RAP1GDS1: variants seen among roughly 807,000 people sequenced by gnomAD.
The protein encoded by RAP1GDS1 is RAP1, GTP-GDP dissociation stimulator 1.
A neutral mutation model predicts 71.1 loss-of-function variants in RAP1GDS1; 35 were observed. The observed-to-expected ratio is 0.49, with a 90% CI of 0.38 to 0.65. RAP1GDS1 has a LOEUF of 0.65. Among genes scored for constraint, RAP1GDS1 ranks in the 30% least tolerant of loss-of-function variants. RAP1GDS1 has a pLI of 0.00. For synonymous variants in RAP1GDS1, 229 were observed against 243.1 expected, an observed-to-expected ratio of 0.94 and a Z score of 0.54; for missense variants, 663 against 706.1, an observed-to-expected ratio of 0.94 and a Z score of 0.69.
At chr4:98,345,202 T>G (rs1736047062) in intron 3 of RAP1GDS1, among the ~76,000 whole-genome samples, 1 of 152,180 alleles carries the variant, frequency 6.6e-6, no homozygotes, top group Admixed American at 6.5e-5. Context: ...GTACACTGAT[T>G]GGGCATATAT....
In RAP1GDS1 at chr4:98,301,744, A is replaced by G. The variant is rs577547425; in HGVS notation, c.112+8229A>G. Among the ~76,000 whole-genome samples, 253 of 152,292 alleles carry G rather than the reference A, an allele frequency of 1.7e-3. 1 individual carries two copies. Among genetic ancestry groups the G allele is most frequent in the African/African-American group, 5.7e-3 (238 of 41,562 alleles). ...GGAAAATAGTGCGATCTGGTCTTAG[A>G]TTAGATTCTAACATTGGCTACTTAA... On this transcript the variant is annotated intron_variant, in intron 2 of 14. Coordinates refer to ENST00000408927, the MANE Select transcript of RAP1GDS1 (RefSeq NM_001100427.2).
At chr4:98,372,816 C>T (rs1390217693) in intron 4 of RAP1GDS1, among the ~76,000 whole-genome samples, 1 of 152,086 alleles carries the variant, frequency 6.6e-6, no homozygotes, top group East Asian at 1.9e-4. Flanking sequence ...TCCTGAGTAG[C>T]TAGGACTACA....
At chr4:98,310,579 A>G (rs552874009) in intron 2 of RAP1GDS1, among the ~76,000 whole-genome samples, 2 of 152,328 alleles carry the variant, frequency 1.3e-5, no homozygotes, top group African/African-American at 2.4e-5. Flanking sequence ...GTTTTAGAAG[A>G]CACCAGAAGT....
At chr4:98,313,366 G>A (rs1487491025) in intron 2 of RAP1GDS1, among the ~76,000 whole-genome samples, 1 of 152,158 alleles carries the variant, frequency 6.6e-6, no homozygotes, top group Non-Finnish European at 1.5e-5. Context: ...TTCACAGACA[G>A]AGACATCCAA....
chr4:98,306,975 T>C (rs974367700), intron 2 of RAP1GDS1, among the ~76,000 whole-genome samples: 51 of 152,308 alleles, frequency 3.3e-4, no homozygotes, highest in African/African-American at 1.2e-3. Context: ...GAATCTATAA[T>C]GAGACATTTT....
At chr4:98,334,793 T>C (rs1734469424) in intron 2 of RAP1GDS1, among the ~76,000 whole-genome samples, 1 of 152,048 alleles carries the variant, frequency 6.6e-6, no homozygotes, top group East Asian at 1.9e-4. Context: ...CGAGCTGTTA[T>C]ACTTTGTAAA....
chr4:98,346,112 C>T (rs983259827), intron 3 of RAP1GDS1, among the ~76,000 whole-genome samples: 1 of 152,272 alleles, frequency 6.6e-6, no homozygotes, highest in Middle Eastern at 3.4e-3. Flanking sequence ...TTAACAAGTC[C>T]TCTAGGTAAT....
chr4:98,350,701 G>A (rs1010583611), intron 3 of RAP1GDS1, among the ~76,000 whole-genome samples: 3 of 152,160 alleles, frequency 2.0e-5, no homozygotes, highest in Admixed American at 2.0e-4. Context: ...AGCTGGCTGT[G>A]GTGGCACTTG....
At chr4:98,437,227 C>G (rs1258506727) in intron 14 of RAP1GDS1, among the ~76,000 whole-genome samples, 159 bp downstream of exon 14, 1 of 152,164 alleles carries the variant, frequency 6.6e-6, no homozygotes, top group East Asian at 1.9e-4. Flanking sequence ...TGTAAACACT[C>G]ATTTCTTCAT....
At chr4:98,292,184 TG>T (rs1179859921) in intron 1 of RAP1GDS1, among the ~76,000 whole-genome samples, 2 of 151,844 alleles carry the variant, frequency 1.3e-5, no homozygotes, top group African/African-American at 4.8e-5. Flanking sequence ...TAGAGTGCAG[TG>T]GAGCAATCCT....
intron 1 of RAP1GDS1, among the ~76,000 whole-genome samples, chr4:98,279,178 C>T (rs192033949): frequency 0.066 from 10,016 of 151,908 alleles, 361 homozygotes; most frequent in Admixed American, 0.13. Flanking sequence ...GAGCCGAGAT[C>T]GCACCACTGC....
chr4:98,391,864 G>T, intron 5 of RAP1GDS1, 88 bp from the exon 6 acceptor site: 1 of 1,244,774 alleles, frequency 8.0e-7, no homozygotes, highest in Non-Finnish European at 1.1e-6. Context: ...TTTCCAATAG[G>T]GAAAATAAGA....
At chr4:98,345,316 T>C (rs963757965) in intron 3 of RAP1GDS1, among the ~76,000 whole-genome samples, 2 of 152,204 alleles carry the variant, frequency 1.3e-5, no homozygotes, top group African/African-American at 4.8e-5. Flanking sequence ...AGGAGAAATA[T>C]TAGCATATAC....
chr4:98,319,805 A>C lies in RAP1GDS1; in HGVS notation c.113-23334A>C, dbSNP rs568672269. On this transcript the variant is annotated intron_variant, in intron 2 of 14. Transcript: ENST00000408927. ...AAAAAAAAAAAAAAAAAAAAGAGAG[A>C]AATTGGCGTTTGAACTACACAGGTC... Among the ~76,000 whole-genome samples, 161 of 151,080 alleles carry C rather than the reference A, an allele frequency of 1.1e-3. No individual in the cohort carries two copies. The South Asian group carries it at 0.017, about 16-fold the overall frequency.
chr4:98,402,159 CCT>C (rs1158347750), intron 6 of RAP1GDS1, among the ~76,000 whole-genome samples: 2 of 152,100 alleles, frequency 1.3e-5, no homozygotes, highest in Admixed American at 1.3e-4. Context: ...TGCACCTCTG[CCT>C]CTCAGGTTTA....
At chr4:98,441,780 T>C (rs1000121879) in intron 14 of RAP1GDS1, 2 of 576,416 alleles carry the variant, frequency 3.5e-6, no homozygotes, top group African/African-American at 4.1e-5. Context: ...AATTTTTTCC[T>C]TTAATTTAAA....
At chr4:98,287,564 T>A (rs912056012) in intron 1 of RAP1GDS1, among the ~76,000 whole-genome samples, 1 of 152,200 alleles carries the variant, frequency 6.6e-6, no homozygotes, top group African/African-American at 2.4e-5. Context: ...TGTATATGAA[T>A]AGGTATGACT....
At chr4:98,439,138 T>A (rs1011547362) in intron 14 of RAP1GDS1, among the ~76,000 whole-genome samples, 6 of 152,098 alleles carry the variant, frequency 3.9e-5, no homozygotes, top group Admixed American at 6.6e-5. Context: ...CCAAAAAAAA[T>A]TTTTTTCATT....
At chr4:98,300,487 C>T (rs1057130403) in intron 2 of RAP1GDS1, among the ~76,000 whole-genome samples, 1 of 151,772 alleles carries the variant, frequency 6.6e-6, no homozygotes, top group East Asian at 1.9e-4. Flanking sequence ...GCAACCTCCT[C>T]CTCCCATGTT....
Sources: allele counts gnomAD v4.1 joint callset (sites outside exome capture counted in the v4.1 genomes callset), GRCh38; gene constraint gnomAD v4.1.1; transcripts MANE v1.5; gene names NCBI Gene and HGNC (gene_info 2026-07-23, HGNC 2026-07-21).